The following CSDE1 variants were observed in gnomAD, a reference collection of about 807,000 sequenced individuals.
CSDE1 encodes the protein cold shock domain containing E1, also known as cold shock domain-containing protein E1.
CSDE1 carries 17 observed loss-of-function variants against 89.3 expected under a neutral mutation model. That is an observed-to-expected ratio of 0.19 (90% CI 0.13 to 0.29). The LOEUF is 0.29. Among genes scored for constraint, CSDE1 ranks in the 10% least tolerant of loss-of-function variants. CSDE1 has a pLI of 1.00. For synonymous variants in CSDE1, 322 were observed against 332.8 expected (o/e 0.97, Z 0.35); for missense variants, 672 against 984.2 (o/e 0.68, Z 4.24).
chr1:114,751,250 A>T (rs918286234), intron 1 of CSDE1, among the ~76,000 whole-genome samples: 1 of 152,234 alleles, frequency 6.6e-6, no homozygotes, highest in African/African-American at 2.4e-5. Flanking sequence ...TTTCTGCTTT[A>T]TATTAGCTAT....
rs756998766 is a variant in CSDE1, at chr1:114,724,001, C to G, written c.1755G>C (p.Val585=). Residue 585 remains valine, a splice_region_variant and synonymous_variant, in exon 16 of 20, where the codon GTG becomes GTC. Coordinates refer to ENST00000358528, the MANE Select transcript of CSDE1 (RefSeq NM_001007553.3). ...SAEKVNKTHS[V]NGITEEADPT... ...GATCAGCTTCCTCAGTAATGCCATT[C>G]ACTACAAAACAAAGGCAGGTACATC... The G allele has an allele frequency of 2.5e-6, 4 of 1,611,832 alleles. No individual in the cohort carries two copies. In the South Asian group the frequency reaches 4.4e-5, roughly 18 times the overall value.
intron 15 of CSDE1, among the ~76,000 whole-genome samples, chr1:114,724,454 C>T (rs572615213): frequency 7.1e-4 from 108 of 152,172 alleles, no homozygotes; most frequent in Admixed American, 1.4e-3. Context: ...ATATTTTCCA[C>T]CAAAAAATAA....
intron 16 of CSDE1, among the ~76,000 whole-genome samples, chr1:114,722,584 A>C (rs1470377541): frequency 6.6e-6 from 1 of 152,144 alleles, no homozygotes; most frequent in Non-Finnish European, 1.5e-5. Context: ...CTTGCTTTGG[A>C]CTATATCCCA....
In CSDE1 at chr1:114,720,529, T is replaced by G; in HGVS notation, c.2052+10A>C. The G allele has an allele frequency of 6.2e-7, 1 of 1,601,196 alleles. No individual in the cohort carries two copies. The highest frequency in any genetic ancestry group is 8.5e-7 in the Non-Finnish European group (1 of 1,171,566). On this transcript the variant is annotated intron_variant, in intron 17 of 19. Coordinates refer to ENST00000358528, the MANE Select transcript of CSDE1 (RefSeq NM_001007553.3). ...GGATCAAATTCAGATACAGAGATGC[T>G]GGCACTTACCTGATCTTTCACACAT...
Position 114,720,534 on chromosome 1 carries a change from C to T in CSDE1, c.2052+5G>A. ...AAATTCAGATACAGAGATGCTGGCACTTACCTGATCTTTCACACATTCCAC... is the reference window on the plus strand; with the variant it reads ...AAATTCAGATACAGAGATGCTGGCATTTACCTGATCTTTCACACATTCCAC... On this transcript the variant is annotated splice_donor_5th_base_variant and intron_variant, in intron 17 of 19. Coordinates refer to ENST00000358528, the MANE Select transcript of CSDE1 (RefSeq NM_001007553.3). 1.9e-6 allele frequency: 3 copies of T among 1,606,322 alleles called. No homozygotes were observed. The highest frequency in any genetic ancestry group is 1.7e-6 in the Non-Finnish European group (2 of 1,175,036).
Position 114,725,206 on chromosome 1 carries a change from G to A in CSDE1, c.1753+15C>T, listed in dbSNP as rs775437534. 9 of 1,603,818 alleles carry A rather than the reference G, an allele frequency of 5.6e-6. No individual in the cohort carries two copies. The highest frequency in any genetic ancestry group is 1.1e-5 in the South Asian group (1 of 90,882). On this transcript the variant is annotated intron_variant, in intron 15 of 19. Coordinates refer to ENST00000358528, the MANE Select transcript of CSDE1 (RefSeq NM_001007553.3). ...CTTAAAAGCACAGGCTGAATAAGAA[G>A]TCACAATTTATTACCTGAGTGTGTT...
At chr1:114,735,475 G>GT (rs769842873) in intron 6 of CSDE1, among the ~76,000 whole-genome samples, 6 of 152,202 alleles carry the variant, frequency 3.9e-5, no homozygotes, top group Non-Finnish European at 8.8e-5. Flanking sequence ...ACATCGACAA[G>GT]TAACTTTGTG....
intron 1 of CSDE1, among the ~76,000 whole-genome samples, chr1:114,754,001 T>A (rs1419297350): frequency 6.6e-6 from 1 of 152,242 alleles, no homozygotes; most frequent in African/African-American, 2.4e-5. Context: ...AATCATACTG[T>A]GTGCTAAGTA....
Position 114,724,016 on chromosome 1 carries a change from G to A in CSDE1, c.1754-14C>T. ...TAATGCCATTCACTACAAAACAAAG[G>A]CAGGTACATCTTTCAATTTTATTTC... On this transcript the variant is annotated splice_polypyrimidine_tract_variant and intron_variant, in intron 15 of 19. Coordinates refer to ENST00000358528, the MANE Select transcript of CSDE1 (RefSeq NM_001007553.3). The A allele has an allele frequency of 6.2e-7, 1 of 1,607,432 alleles. No individual in the cohort carries two copies. Among genetic ancestry groups the A allele is most frequent in the Non-Finnish European group, 8.5e-7 (1 of 1,176,854 alleles).
At chr1:114,743,554 G>A in intron 2 of CSDE1, among the ~76,000 whole-genome samples, 1 of 152,144 alleles carries the variant, frequency 6.6e-6, no homozygotes, top group Non-Finnish European at 1.5e-5. Context: ...ACAATGATAT[G>A]ATCTGAAATA....
chr1:114,722,080 C>T (rs1659557764), intron 16 of CSDE1, among the ~76,000 whole-genome samples: 1 of 152,074 alleles, frequency 6.6e-6, no homozygotes, highest in Admixed American at 6.6e-5. Context: ...CAGGGTTTCG[C>T]CATGTTGGCC....
At position 114,734,521 on chromosome 1, in the gene CSDE1, G is replaced by C; in HGVS notation, c.503C>G (p.Thr168Ser). 2 of 1,608,340 alleles carry C rather than the reference G, an allele frequency of 1.2e-6. No homozygotes were observed. Among genetic ancestry groups the C allele is most frequent in the Non-Finnish European group, 8.5e-7 (1 of 1,178,248 alleles). The change falls in exon 7 of 20, where the codon ACT becomes AGT. Residue 168 changes from threonine to serine, a missense_variant and splice_region_variant. By Grantham distance (58) the Thr-to-Ser change is moderately conservative. Around this residue, in one of 8 missense-constraint regions of CSDE1, gnomAD observed 124 missense variants for 138.7 expected, o/e 0.89. Transcript: ENST00000358528. Reference sequence around the variant, plus strand: ...AATGTTGCGAGCACTTACAGCACCAGTACTAGAAAAAAAATAATTGCAGGG... The same window carrying C: ...AATGTTGCGAGCACTTACAGCACCACTACTAGAAAAAAAATAATTGCAGGG... ...INFVIDNNKHTGAVSARNIML... is the reference protein window; with the variant it reads ...INFVIDNNKHSGAVSARNIML...
At chr1:114,748,094 T>A (rs1328837027) in intron 2 of CSDE1, among the ~76,000 whole-genome samples, 1 of 152,236 alleles carries the variant, frequency 6.6e-6, no homozygotes, top group Non-Finnish European at 1.5e-5. Flanking sequence ...CTATAGTTTT[T>A]AGTTGTTAAG....
At chr1:114,746,217 TATTC>T (rs796536868) in intron 2 of CSDE1, among the ~76,000 whole-genome samples, 8 of 152,338 alleles carry the variant, frequency 5.3e-5, no homozygotes, top group African/African-American at 1.9e-4. Context: ...TCTAAGTAAT[TATTC>T]ATTAAAGTGC....
At chr1:114,742,857 TTTAAAA>T (rs1660806277) in intron 2 of CSDE1, among the ~76,000 whole-genome samples, 1 of 152,232 alleles carries the variant, frequency 6.6e-6, no homozygotes, top group Non-Finnish European at 1.5e-5. Flanking sequence ...TATAAAGCTT[TTTAAAA>T]TTAAACACTT....
intron 2 of CSDE1, among the ~76,000 whole-genome samples, chr1:114,740,115 C>T (rs552454919): frequency 6.6e-6 from 1 of 152,268 alleles, no homozygotes; most frequent in East Asian, 1.9e-4. Context: ...GTAGAATTTC[C>T]ACTTATCAGA....
intron 6 of CSDE1, among the ~76,000 whole-genome samples, chr1:114,736,170 G>C (rs924537221): frequency 2.6e-5 from 4 of 151,884 alleles, no homozygotes; most frequent in Admixed American, 6.6e-5. Context: ...AATATGACTT[G>C]ACTCCTCCAC....
At chr1:114,736,013 T>C (rs1315874836) in intron 6 of CSDE1, among the ~76,000 whole-genome samples, 2 of 152,192 alleles carry the variant, frequency 1.3e-5, no homozygotes, top group South Asian at 2.1e-4. Flanking sequence ...TTTTCCCACC[T>C]TGAACATTCT....
intron 12 of CSDE1, chr1:114,727,636 ATTTT>A (rs1160904336): frequency 6.6e-6 from 1 of 152,024 alleles, no homozygotes; most frequent in Non-Finnish European, 1.5e-5. Flanking sequence ...TATTTCAACA[ATTTT>A]TTTTAATACC....
Sources: allele counts gnomAD v4.1 joint callset (sites outside exome capture counted in the v4.1 genomes callset), GRCh38; gene constraint gnomAD v4.1.1; regional missense constraint gnomAD v4.1.1; transcripts MANE v1.5; gene names NCBI Gene and HGNC (gene_info 2026-07-23, HGNC 2026-07-21).